Variants in CCDC192 observed in about 807,000 individuals in gnomAD.
CCDC192 encodes the protein coiled-coil domain containing 192.
intron 6 of CCDC192, among the ~76,000 whole-genome samples, chr5:127,918,465 T>C (rs1397242697): frequency 6.6e-6 from 1 of 152,160 alleles, no homozygotes; most frequent in South Asian, 2.1e-4. Flanking sequence ...GACTGGTTTT[T>C]AGTCATTGTT....
intron 3 of CCDC192, among the ~76,000 whole-genome samples, chr5:127,754,668 G>T (rs547664402): frequency 6.6e-6 from 1 of 152,088 alleles, no homozygotes; most frequent in East Asian, 1.9e-4. Flanking sequence ...CCATGAGTTA[G>T]GCAAACCTTC....
intron 6 of CCDC192, among the ~76,000 whole-genome samples, chr5:127,933,901 C>T (rs7709270): frequency 2.0e-5 from 3 of 152,172 alleles, no homozygotes; most frequent in African/African-American, 4.8e-5. Context: ...AGACAATGAA[C>T]GTGCCGGCAC....
intron 2 of CCDC192, among the ~76,000 whole-genome samples, chr5:127,710,729 T>A (rs561544075): frequency 3.5e-4 from 53 of 152,314 alleles, no homozygotes; most frequent in Non-Finnish European, 6.0e-4. Context: ...ATTGTTATAT[T>A]GATAATTTTC....
intron 5 of CCDC192, among the ~76,000 whole-genome samples, chr5:127,843,178 G>T (rs1750370369): frequency 6.6e-6 from 1 of 151,160 alleles, no homozygotes; most frequent in African/African-American, 2.4e-5. Flanking sequence ...GGGATTACAG[G>T]TGCCCGCCAC....
At chr5:127,728,359 T>C (rs918554782) in intron 2 of CCDC192, among the ~76,000 whole-genome samples, 1 of 152,090 alleles carries the variant, frequency 6.6e-6, no homozygotes, top group Non-Finnish European at 1.5e-5. Flanking sequence ...AGTGAAAACC[T>C]TACAAGCCAG....
chr5:127,866,969 T>C (rs1321806753), intron 5 of CCDC192, among the ~76,000 whole-genome samples: 1 of 152,228 alleles, frequency 6.6e-6, no homozygotes, highest in Non-Finnish European at 1.5e-5. Context: ...ATAATTTTCC[T>C]TTTCTCTACT....
At chr5:127,850,633 A>G (rs1468355889) in intron 5 of CCDC192, among the ~76,000 whole-genome samples, 1 of 152,190 alleles carries the variant, frequency 6.6e-6, no homozygotes, top group African/African-American at 2.4e-5. Context: ...AGGAAAGGGC[A>G]GGGAGAATTC....
intron 2 of CCDC192, among the ~76,000 whole-genome samples, chr5:127,750,580 T>A (rs1386247345): frequency 4.0e-5 from 6 of 149,998 alleles, no homozygotes; most frequent in African/African-American, 1.5e-4. Context: ...CTGAAAAAAA[T>A]GTATATTCTG....
chr5:127,796,988 A>G (rs1757198642), intron 3 of CCDC192, 115 bp from the exon 4 acceptor site: 7 of 378,754 alleles, frequency 1.8e-5, no homozygotes, highest in Non-Finnish European at 2.8e-5. Context: ...TCCAGAAGCT[A>G]TTTTCATATT....
chr5:127,735,114 A>G (rs1752895064), intron 2 of CCDC192, among the ~76,000 whole-genome samples: 1 of 128,992 alleles, frequency 7.8e-6, no homozygotes, highest in Admixed American at 8.0e-5. Flanking sequence ...ATAAGGTGTA[A>G]GGAAGGGATC....
At chr5:127,780,892 C>T (rs1051059117) in intron 3 of CCDC192, among the ~76,000 whole-genome samples, 1 of 152,120 alleles carries the variant, frequency 6.6e-6, no homozygotes, top group African/African-American at 2.4e-5. Flanking sequence ...TCATGAAATC[C>T]TTGCCTAGGC....
At chr5:127,797,625 A>C (rs576190045) in intron 4 of CCDC192, among the ~76,000 whole-genome samples, 97 of 150,976 alleles carry the variant, frequency 6.4e-4, no homozygotes, top group African/African-American at 2.3e-3. Flanking sequence ...GAAATGATTA[A>C]TCTCTGAATA....
intron 5 of CCDC192, among the ~76,000 whole-genome samples, chr5:127,837,857 G>A (rs1004723820): frequency 1.3e-5 from 2 of 152,058 alleles, no homozygotes; most frequent in African/African-American, 2.4e-5. Flanking sequence ...GCATGGTGGT[G>A]CACGCCTGTA....
intron 2 of CCDC192, among the ~76,000 whole-genome samples, chr5:127,751,462 T>C (rs1030387272): frequency 6.6e-6 from 1 of 152,186 alleles, no homozygotes; most frequent in Admixed American, 6.5e-5. Flanking sequence ...TTCTGGCTTG[T>C]AGGGTTTCTG....
intron 3 of CCDC192, chr5:127,785,910 C>A: frequency 2.3e-6 from 1 of 433,194 alleles, no homozygotes. Context: ...CAGACATTAC[C>A]AAGGCAATGC....
At chr5:127,827,039 AT>A (rs1435593460) in intron 5 of CCDC192, among the ~76,000 whole-genome samples, 2 of 152,202 alleles carry the variant, frequency 1.3e-5, no homozygotes, top group Non-Finnish European at 2.9e-5. Context: ...ACAAATGAAG[AT>A]AATATGGAAA....
chr5:127,812,367 A>C (rs1345726133), intron 5 of CCDC192, among the ~76,000 whole-genome samples: 1 of 152,202 alleles, frequency 6.6e-6, no homozygotes. Flanking sequence ...CAACAGGATT[A>C]TTGTGAGAAT....
In CCDC192 at chr5:127,740,960, G is replaced by A. The variant is rs986727458; in HGVS notation, c.115-13308G>A. ...TAAATAATCCTGTCACACAAAAAAAGTACCATCTTTTCAAATGGCAAACGT... is the reference window on the plus strand; with the variant it reads ...TAAATAATCCTGTCACACAAAAAAAATACCATCTTTTCAAATGGCAAACGT... On this transcript the variant is annotated intron_variant, in intron 2 of 6. Transcript: ENST00000514853. Among the ~76,000 whole-genome samples, 7 of 152,224 alleles carry A rather than the reference G, an allele frequency of 4.6e-5. No homozygotes were observed. The South Asian group carries it at 1.5e-3, about 32-fold the overall frequency.
At chr5:127,755,231 T>A (rs1269014854) in intron 3 of CCDC192, among the ~76,000 whole-genome samples, 1 of 152,074 alleles carries the variant, frequency 6.6e-6, no homozygotes, top group Non-Finnish European at 1.5e-5. Flanking sequence ...TTTAGATACA[T>A]TGGAAAAAAA....
Sources: gnomAD v4.1 joint callset for allele counts (sites outside exome capture counted in the v4.1 genomes callset) on GRCh38, gnomAD v4.1.1 for gene constraint, MANE v1.5 for transcripts, NCBI Gene and HGNC (gene_info 2026-07-23, HGNC 2026-07-21) for gene names.